The following ZNF280D variants were observed in gnomAD, a reference collection of about 807,000 sequenced individuals.
The protein encoded by ZNF280D is zinc finger protein 280D, also known as suppressor of hairy wing homolog 4.
A neutral mutation model predicts 94.7 loss-of-function variants in ZNF280D; 39 were observed. The ratio of observed to expected loss-of-function variants is 0.41; its 90% CI spans 0.32 to 0.54. The LOEUF is 0.54. Among genes scored for constraint, ZNF280D ranks in the 20% least tolerant of loss-of-function variants. The pLI is 0.22. For synonymous variants in ZNF280D, 398 were observed against 377.6 expected (o/e 1.05, Z -0.63); for missense variants, 1,090 against 1,149.3 (o/e 0.95, Z 0.75).
At chr15:56,729,932 T>C (rs1002438594) in intron 1 of ZNF280D, 2 of 152,242 alleles carry the variant, frequency 1.3e-5, no homozygotes, top group Non-Finnish European at 2.9e-5. Flanking sequence ...ATGCATGAAA[T>C]AGATTTTTTA....
chr15:56,672,595 G>A lies in ZNF280D; in HGVS notation c.1411-3638C>T, dbSNP rs192296442. On this transcript the variant is annotated intron_variant, in intron 13 of 21. Coordinates refer to ENST00000267807, the MANE Select transcript of ZNF280D (RefSeq NM_017661.4). ...TTCAGTTTGCCAGTATTTTGGTGAA[G>A]ATTTTTGCATCGAGGTTCATCAAGG... 1.7e-3 allele frequency among the ~76,000 whole-genome samples: 254 copies of A among 152,106 alleles called. 1 individual carries two copies. The highest frequency in any genetic ancestry group is 5.8e-3 in the African/African-American group (240 of 41,514).
intron 20 of ZNF280D, among the ~76,000 whole-genome samples, chr15:56,640,256 C>T (rs536164357): frequency 1.3e-5 from 2 of 152,038 alleles, no homozygotes; most frequent in Admixed American, 6.6e-5. Flanking sequence ...ATGAATGCCC[C>T]TATAAGTTTT....
intron 1 of ZNF280D, among the ~76,000 whole-genome samples, chr15:56,731,263 G>A (rs1596732841): frequency 6.6e-6 from 1 of 152,114 alleles, no homozygotes. Context: ...AGCACTTTGG[G>A]AGGCCGAGGC....
chr15:56,710,392 A>G (rs1384347825), intron 1 of ZNF280D, among the ~76,000 whole-genome samples: 1 of 152,022 alleles, frequency 6.6e-6, no homozygotes, highest in Non-Finnish European at 1.5e-5. Flanking sequence ...TGGGCAAGAG[A>G]GCAAGACTCT....
chr15:56,684,881 T>C (rs1443230499), intron 9 of ZNF280D, among the ~76,000 whole-genome samples: 2 of 152,226 alleles, frequency 1.3e-5, no homozygotes, highest in East Asian at 3.9e-4. Context: ...ACAAGGTGTA[T>C]GCCAGAGAGG....
chr15:56,644,191 C>A (rs778055673), intron 19 of ZNF280D, among the ~76,000 whole-genome samples: 6 of 151,884 alleles, frequency 4.0e-5, no homozygotes, highest in Non-Finnish European at 8.8e-5. Flanking sequence ...ACTTGTTAAG[C>A]CAATTAAAAT....
At chr15:56,649,166 T>G (rs1408050808) in intron 19 of ZNF280D, among the ~76,000 whole-genome samples, 1 of 152,156 alleles carries the variant, frequency 6.6e-6, no homozygotes, top group African/African-American at 2.4e-5. Flanking sequence ...GACTCTATTT[T>G]ATTATTTTGG....
chr15:56,676,228 G>A (rs1472171063), intron 13 of ZNF280D, among the ~76,000 whole-genome samples: 1 of 151,896 alleles, frequency 6.6e-6, no homozygotes. Context: ...AATGATAAGG[G>A]GTTAGAAAGT....
Position 56,707,298 on chromosome 15 carries a change from T to C in ZNF280D, c.-77A>G. The C allele has an allele frequency of 3.9e-6, 6 of 1,529,966 alleles. No homozygotes were observed. Among genetic ancestry groups the C allele is most frequent in the Non-Finnish European group, 5.3e-6 (6 of 1,142,228 alleles). 94.8% of individuals were successfully genotyped at this position (1,529,966 alleles called of 1,614,324 possible). On this transcript the variant is annotated 5_prime_UTR_variant, in exon 2 of 22. Transcript: ENST00000267807. ...CAGACAAGCCAGCAAGTTATTTCTG[T>C]TTTCCTTCCTATAAAATAAAGATAC... is the stretch of plus-strand genomic sequence containing the variant.
chr15:56,684,378 G>A (rs993001236), intron 9 of ZNF280D, among the ~76,000 whole-genome samples: 1 of 152,132 alleles, frequency 6.6e-6, no homozygotes, highest in Non-Finnish European at 1.5e-5. Flanking sequence ...TTATGCTGCC[G>A]TGGAGCAGTT....
At chr15:56,721,893 G>C (rs1349125888) in intron 1 of ZNF280D, among the ~76,000 whole-genome samples, 1 of 152,156 alleles carries the variant, frequency 6.6e-6, no homozygotes, top group African/African-American at 2.4e-5. Flanking sequence ...GACTGTTTGG[G>C]ACAAGAGGCC....
chr15:56,682,184 A>T (rs1596480596), intron 10 of ZNF280D, 70 bp downstream of exon 10: 1 of 1,179,766 alleles, frequency 8.5e-7, no homozygotes, highest in African/African-American at 1.6e-5. Context: ...GAAAACACAA[A>T]ATAAAAGTAT....
intron 19 of ZNF280D, among the ~76,000 whole-genome samples, chr15:56,651,605 G>A (rs1444807597): frequency 6.6e-6 from 1 of 152,014 alleles, no homozygotes; most frequent in Non-Finnish European, 1.5e-5. Flanking sequence ...TATTGGTAGG[G>A]GATTGGTTAC....
intron 13 of ZNF280D, among the ~76,000 whole-genome samples, chr15:56,673,321 A>G (rs1283346848): frequency 6.6e-6 from 1 of 152,022 alleles, no homozygotes; most frequent in African/African-American, 2.4e-5. Context: ...ATATCTCAGT[A>G]TATGAAAACT....
At chr15:56,653,149 G>A in intron 19 of ZNF280D, 2 of 1,009,072 alleles carry the variant, frequency 2.0e-6, no homozygotes, top group South Asian at 4.7e-5. Flanking sequence ...GTTGTTCCAA[G>A]GATATGAAAG....
At chr15:56,678,936 A>C in intron 10 of ZNF280D, 115 bp from the exon 11 acceptor site, 5 of 1,016,444 alleles carry the variant, frequency 4.9e-6, no homozygotes, top group Non-Finnish European at 6.7e-6. Context: ...TCAAACTCTC[A>C]AAAGTCTTAA....
chr15:56,713,069 C>T (rs549019962), intron 1 of ZNF280D, among the ~76,000 whole-genome samples: 81 of 152,140 alleles, frequency 5.3e-4, no homozygotes, highest in African/African-American at 1.9e-3. Context: ...CTCCCCCAAT[C>T]CCATAAATTC....
intron 6 of ZNF280D, among the ~76,000 whole-genome samples, chr15:56,693,634 T>C (rs1318874565): frequency 6.6e-6 from 1 of 151,786 alleles, no homozygotes; most frequent in East Asian, 1.9e-4. Flanking sequence ...AAATAGAACT[T>C]AGCAAAATCT....
intron 21 of ZNF280D, among the ~76,000 whole-genome samples, chr15:56,632,337 T>C (rs2052119805): frequency 6.6e-6 from 1 of 152,152 alleles, no homozygotes; most frequent in Non-Finnish European, 1.5e-5. Context: ...AATCACATAC[T>C]AAAAGATATC....
Sources: gnomAD v4.1 joint callset for allele counts (sites outside exome capture counted in the v4.1 genomes callset) on GRCh38, gnomAD v4.1.1 for gene constraint, MANE v1.5 for transcripts, NCBI Gene and HGNC (gene_info 2026-07-23, HGNC 2026-07-21) for gene names.